The following TOM1L1 variants were observed in gnomAD, a reference collection of about 807,000 sequenced individuals.
TOM1L1 encodes target of myb1 like 1 membrane trafficking protein.
A neutral mutation model predicts 63.4 loss-of-function variants in TOM1L1; 64 were observed. That is an observed-to-expected ratio of 1.01 (90% CI 0.83 to 1.24). The LOEUF (loss-of-function observed/expected upper bound fraction) is 1.24. Among genes scored for constraint, TOM1L1 ranks in the 50% most tolerant of loss-of-function variants. TOM1L1 has a pLI of 0.00. For synonymous variants in TOM1L1, 166 were observed against 194.4 expected (o/e 0.85, Z 1.22); for missense variants, 536 against 567.0 (o/e 0.95, Z 0.55).
intron 3 of TOM1L1, chr17:54,906,738 T>A (rs2048417679): frequency 1.0e-6 from 1 of 984,998 alleles, no homozygotes; most frequent in Non-Finnish European, 1.2e-6. Flanking sequence ...ATTTGATGTG[T>A]TCCCATTTTC....
At chr17:54,939,712 A>G (rs1471792172) in intron 11 of TOM1L1, among the ~76,000 whole-genome samples, 2 of 152,086 alleles carry the variant, frequency 1.3e-5, no homozygotes, top group East Asian at 1.9e-4. Context: ...GTGCGCCACC[A>G]TACTGGGCTA....
chr17:54,904,129 A>G (rs938322341), intron 2 of TOM1L1, among the ~76,000 whole-genome samples: 3 of 152,162 alleles, frequency 2.0e-5, no homozygotes, highest in African/African-American at 7.2e-5. Context: ...GCACTTTGGG[A>G]GGCCGAGGCG....
chr17:54,934,534 C>T (rs2048915351), intron 8 of TOM1L1, among the ~76,000 whole-genome samples: 1 of 152,162 alleles, frequency 6.6e-6, no homozygotes, highest in Non-Finnish European at 1.5e-5. Context: ...TATCCATCCA[C>T]TTGCAAAATA....
chr17:54,936,064 G>C (rs1004181948), intron 8 of TOM1L1, among the ~76,000 whole-genome samples: 1 of 151,798 alleles, frequency 6.6e-6, no homozygotes, highest in African/African-American at 2.4e-5. Context: ...CAGAGGTTGT[G>C]GTGAGCCAAG....
At chr17:54,909,259 C>CAAGCAAAACA (rs1248839569) in intron 3 of TOM1L1, among the ~76,000 whole-genome samples, 3 of 152,084 alleles carry the variant, frequency 2.0e-5, no homozygotes, top group Non-Finnish European at 4.4e-5. Flanking sequence ...ACTCTGTATC[C>CAAGCAAAACA]AAGCAAAACA....
intron 15 of TOM1L1, 141 bp downstream of exon 15, chr17:54,960,768 A>G (rs940296377): frequency 2.3e-5 from 15 of 658,470 alleles, no homozygotes; most frequent in Non-Finnish European, 4.0e-5. Flanking sequence ...TGAATCATTC[A>G]AATTGTGCTG....
At chr17:54,927,821 T>G (rs1432849823) in intron 7 of TOM1L1, among the ~76,000 whole-genome samples, 1 of 152,198 alleles carries the variant, frequency 6.6e-6, no homozygotes, top group Non-Finnish European at 1.5e-5. Context: ...GTGGGCTGGC[T>G]TTTGAAGACG....
chr17:54,961,921 G>C lies in TOM1L1; in HGVS notation c.*688G>C, dbSNP rs2077134780. ...AAAATGAAAATATTTAGAATAAGTT[G>C]TACATTTGATGACAAATAAATCACT... On this transcript the variant is annotated 3_prime_UTR_variant, in exon 16 of 16. Coordinates refer to ENST00000575882, the MANE Select transcript of TOM1L1 (RefSeq NM_005486.3). 1.1e-6 allele frequency: 1 copy of C among 895,374 alleles called. No individual in the cohort carries two copies. Among genetic ancestry groups the C allele is most frequent in the Non-Finnish European group, 1.3e-6 (1 of 747,944 alleles). 55.5% of individuals were successfully genotyped at this position (895,374 alleles called of 1,614,324 possible). A position where few individuals can be genotyped will look rare whatever the true frequency, so the allele number is the denominator to read the frequency against.
intron 14 of TOM1L1, among the ~76,000 whole-genome samples, chr17:54,956,301 T>C (rs541818214): frequency 2.6e-5 from 4 of 152,138 alleles, no homozygotes; most frequent in African/African-American, 9.6e-5. Context: ...TGTGCTACCA[T>C]GCCTGGCTAA....
At chr17:54,915,901 C>G in intron 7 of TOM1L1, 39 bp downstream of exon 7, 3 of 1,501,882 alleles carry the variant, frequency 2.0e-6, no homozygotes, top group Non-Finnish European at 1.9e-6. Flanking sequence ...CAAAGTGTCT[C>G]TTAAAGTTAT....
intron 5 of TOM1L1, 70 bp downstream of exon 5, chr17:54,913,943 G>T (rs2048541168): frequency 1.2e-5 from 18 of 1,496,162 alleles, no homozygotes; most frequent in Non-Finnish European, 1.5e-5. Context: ...CATTACAGGA[G>T]ACAACCCTAA....
chr17:54,903,675 T>C (rs750942329), intron 1 of TOM1L1, 33 bp from the exon 2 acceptor site: 1 of 1,580,232 alleles, frequency 6.3e-7, no homozygotes. Context: ...TTTATTCTGT[T>C]GTAGCTCAGA....
chr17:54,939,867 C>G (rs2049009031), intron 11 of TOM1L1, among the ~76,000 whole-genome samples: 1 of 152,112 alleles, frequency 6.6e-6, no homozygotes. Context: ...TCCCATCATA[C>G]AGGAAAAGAG....
At position 54,961,931 on chromosome 17, in the gene TOM1L1, T is replaced by G; in HGVS notation, c.*698T>G. On this transcript the variant is annotated 3_prime_UTR_variant, in exon 16 of 16. Transcript: ENST00000575882. The stretch of plus-strand genomic sequence containing the variant: ...TATTTAGAATAAGTTGTACATTTGA[T>G]GACAAATAAATCACTATTAAAACAA... 3 of 900,526 alleles carry G rather than the reference T, an allele frequency of 3.3e-6. No individual in the cohort carries two copies. The highest frequency in any genetic ancestry group is 4.0e-6 in the Non-Finnish European group (3 of 752,484). 55.8% of individuals were successfully genotyped at this position (900,526 alleles called of 1,614,324 possible).
At chr17:54,955,111 G>A (rs912922123) in intron 14 of TOM1L1, 1 of 152,300 alleles carries the variant, frequency 6.6e-6, no homozygotes, top group Middle Eastern at 3.4e-3. Context: ...CCAAACTCTG[G>A]AGATTAATGA....
At chr17:54,953,557 G>A (rs1045289456) in intron 14 of TOM1L1, 17 of 152,272 alleles carry the variant, frequency 1.1e-4, no homozygotes, top group African/African-American at 4.1e-4. Flanking sequence ...GGGATGATTT[G>A]GACATTCCCT....
intron 8 of TOM1L1, among the ~76,000 whole-genome samples, chr17:54,931,279 T>C (rs1324888255): frequency 2.6e-5 from 4 of 152,228 alleles, no homozygotes; most frequent in Non-Finnish European, 5.9e-5. Context: ...ATTTTTTTGA[T>C]GTATTAAATA....
chr17:54,960,613 A>C lies in TOM1L1; in HGVS notation c.1418A>C (p.Asn473Thr). ...GCTCACCAGCACAAAGGAGCTCAAA[A>C]TGATGGTGACTGAGGTAAAGACTTC... ...IDAHQHKGAQ[N>T]DGD The change falls in exon 15 of 16, where the codon AAT (asparagine) becomes ACT (threonine). Residue 473 changes from asparagine to threonine, a missense_variant. By Grantham distance (65) the Asn-to-Thr change is moderately conservative (BLOSUM62 0). Coordinates refer to ENST00000575882, the MANE Select transcript of TOM1L1 (RefSeq NM_005486.3). 1 of 1,611,994 alleles carries C rather than the reference A, an allele frequency of 6.2e-7. No individual in the cohort carries two copies.
rs1458173297 is a variant in TOM1L1 at position 54,903,735 on chromosome 17, C to T, written c.86C>T (p.Thr29Ile). ...AAGGCTACATTTGCTGGAGTTCAGA[C>T]TGAAGATTGGGGCCAGTTCATGCAC... ...IEKATFAGVQ[T>I]EDWGQFMHIC... The change falls in exon 2 of 16, where the codon ACT (threonine) becomes ATT (isoleucine). Residue 29 changes from threonine (T) to isoleucine (I), a missense_variant. Thr to Ile is a moderately conservative substitution (Grantham distance 89). Transcript: ENST00000575882. 6.2e-7 allele frequency: 1 copy of T among 1,614,182 alleles called. No homozygotes were observed.
Sources: gnomAD v4.1 joint callset for allele counts (sites outside exome capture counted in the v4.1 genomes callset) on GRCh38, gnomAD v4.1.1 for gene constraint, MANE v1.5 for transcripts, NCBI Gene and HGNC (gene_info 2026-07-23, HGNC 2026-07-21) for gene names.